Variants in PLSCR5 observed in about 807,000 individuals in gnomAD.
PLSCR5 encodes phospholipid scramblase family, member 5.
Under a neutral mutation model 33.6 loss-of-function variants are expected in PLSCR5, and 44 were observed. The observed-to-expected ratio is 1.31, with a 90% CI of 1.03 to 1.69. PLSCR5 has a LOEUF of 1.69. Among genes scored for constraint, PLSCR5 ranks in the 40% most tolerant of loss-of-function variants. The pLI, the probability that PLSCR5 is intolerant of heterozygous loss-of-function variation, is 0.00. For synonymous variants in PLSCR5, 148 were observed against 112.3 expected (o/e 1.32, Z -2.01); for missense variants, 375 against 318.7 (o/e 1.18, Z -1.34).
At chr3:146,605,079 T>C in intron 1 of PLSCR5, 121 bp downstream of exon 1, 1 of 1,045,630 alleles carries the variant, frequency 9.6e-7, no homozygotes, top group South Asian at 2.0e-5. Flanking sequence ...AATCACAATG[T>C]TCAAAAGTGA....
chr3:146,581,352 G>A (rs991263091), downstream of PLSCR5, among the ~76,000 whole-genome samples: 13 of 152,282 alleles, frequency 8.5e-5, no homozygotes, highest in Middle Eastern at 3.4e-3. Context: ...TAACCTTAAC[G>A]TGTTGTTATC....
chr3:146,587,845 T>C (rs1377576754), intron 6 of PLSCR5, among the ~76,000 whole-genome samples: 4 of 151,578 alleles, frequency 2.6e-5, no homozygotes, highest in Non-Finnish European at 5.9e-5. Context: ...AATCCTAATA[T>C]ACATACTTGT....
Position 146,605,284 on chromosome 3 carries a change from G to A in PLSCR5, c.-72C>T. ...AAGGCTTTTCTTGTTGCAGCAAGGA[G>A]AGAAAACGCAGCATGCACAAAACTT... On this transcript the variant is annotated 5_prime_UTR_variant, in exon 1 of 8. Transcript: ENST00000443512. 3.7e-6 allele frequency: 6 copies of A among 1,605,902 alleles called. No homozygotes were observed. The highest frequency in any genetic ancestry group is 5.1e-6 in the Non-Finnish European group (6 of 1,175,614).
chr3:146,588,242 G>A (rs1177058151), intron 6 of PLSCR5, among the ~76,000 whole-genome samples: 3 of 152,040 alleles, frequency 2.0e-5, no homozygotes, highest in African/African-American at 4.8e-5. Flanking sequence ...AGGCCAAAGC[G>A]GGTGGATCAC....
intron 1 of PLSCR5, among the ~76,000 whole-genome samples, chr3:146,603,519 G>A (rs2044837849): frequency 1.3e-5 from 2 of 151,972 alleles, no homozygotes; most frequent in African/African-American, 2.4e-5. Flanking sequence ...TTAGACTTGG[G>A]TCTTTATCAT....
At chr3:146,604,308 A>G (rs1002954985) in intron 1 of PLSCR5, among the ~76,000 whole-genome samples, 5 of 152,110 alleles carry the variant, frequency 3.3e-5, no homozygotes, top group African/African-American at 1.2e-4. Flanking sequence ...TTTAAAAACA[A>G]CTACATCTCT....
At chr3:146,584,087 C>T (rs1044055576), downstream of PLSCR5, among the ~76,000 whole-genome samples, 5 of 152,118 alleles carry the variant, frequency 3.3e-5, no homozygotes, top group African/African-American at 1.2e-4. Flanking sequence ...GACTGATTTT[C>T]CTTTGTTATC....
At chr3:146,585,791 G>A (rs1382242569), downstream of PLSCR5, 1 of 229,724 alleles carries the variant, frequency 4.4e-6, no homozygotes, top group African/African-American at 2.3e-5. Flanking sequence ...CTTGTGCTCA[G>A]GCCAGTAATC....
downstream of PLSCR5, among the ~76,000 whole-genome samples, chr3:146,582,963 A>G (rs1405643276): frequency 6.6e-6 from 1 of 151,760 alleles, no homozygotes; most frequent in Non-Finnish European, 1.5e-5. Flanking sequence ...CCAGAAGTGG[A>G]CTCAGTGCAT....
At chr3:146,604,354 AATG>A (rs1261062987) in intron 1 of PLSCR5, among the ~76,000 whole-genome samples, 1 of 152,094 alleles carries the variant, frequency 6.6e-6, no homozygotes, top group Admixed American at 6.6e-5. Context: ...AAGATAACGT[AATG>A]ATATTTTTGC....
chr3:146,595,486 C>T (rs1052895744), intron 2 of PLSCR5, among the ~76,000 whole-genome samples: 2 of 152,030 alleles, frequency 1.3e-5, no homozygotes, highest in Non-Finnish European at 2.9e-5. Flanking sequence ...GCGTGCGCCT[C>T]TAGTCCCAGC....
At chr3:146,589,911 T>C in intron 5 of PLSCR5, 97 bp from the exon 6 acceptor site, 1 of 737,440 alleles carries the variant, frequency 1.4e-6, no homozygotes, top group Non-Finnish European at 2.0e-6. Flanking sequence ...TGAATTATTT[T>C]ATTTGTCATC....
intron 2 of PLSCR5, among the ~76,000 whole-genome samples, chr3:146,595,536 C>T (rs543193595): frequency 1.3e-5 from 2 of 152,106 alleles, no homozygotes; most frequent in Non-Finnish European, 2.9e-5. Context: ...TAGCTTGATC[C>T]TGGGAGGTCG....
chr3:146,601,157 A>C (rs1421982596), intron 1 of PLSCR5, among the ~76,000 whole-genome samples: 1 of 151,710 alleles, frequency 6.6e-6, no homozygotes, highest in Non-Finnish European at 1.5e-5. Flanking sequence ...TGCCAGGTAA[A>C]TATGTTACCA....
At chr3:146,601,577 A>T (rs2044815898) in intron 1 of PLSCR5, among the ~76,000 whole-genome samples, 1 of 150,988 alleles carries the variant, frequency 6.6e-6, no homozygotes, top group Non-Finnish European at 1.5e-5. Flanking sequence ...TACAAAAGAG[A>T]GGGACAAGGA....
chr3:146,588,764 G>A (rs1560106388), intron 6 of PLSCR5, among the ~76,000 whole-genome samples: 1 of 151,888 alleles, frequency 6.6e-6, no homozygotes, highest in Non-Finnish European at 1.5e-5. Context: ...TTTGACAATA[G>A]TACTGTGATG....
chr3:146,597,272 A>G (rs546823611), intron 2 of PLSCR5, among the ~76,000 whole-genome samples: 115 of 152,272 alleles, frequency 7.6e-4, no homozygotes, highest in Admixed American at 1.4e-3. Flanking sequence ...AGATGTTTAG[A>G]CAGCATCTGA....
chr3:146,578,856 A>G (rs1342848977), intron 7 of PLSCR5, among the ~76,000 whole-genome samples: 1 of 152,112 alleles, frequency 6.6e-6, no homozygotes, highest in Non-Finnish European at 1.5e-5. Context: ...TAAATCAAAA[A>G]TGCCTTGAAA....
At chr3:146,582,213 A>G (rs1313530029), downstream of PLSCR5, among the ~76,000 whole-genome samples, 1 of 152,244 alleles carries the variant, frequency 6.6e-6, no homozygotes, top group Non-Finnish European at 1.5e-5. Flanking sequence ...ACAAAAGAAC[A>G]GCCTGCAGGC....
Sources: allele counts gnomAD v4.1 joint callset (sites outside exome capture counted in the v4.1 genomes callset), GRCh38; gene constraint gnomAD v4.1.1; transcripts MANE v1.5; gene names NCBI Gene and HGNC (gene_info 2026-07-23, HGNC 2026-07-21).